RASSF1: variants seen among roughly 807,000 people sequenced by gnomAD.
RASSF1 encodes the protein Ras association domain family member 1, also known as ras association domain-containing protein 1.
RASSF1 carries 33 observed loss-of-function variants against 34.3 expected under a neutral mutation model. The ratio of observed to expected loss-of-function variants is 0.96; its 90% CI spans 0.73 to 1.29. The LOEUF is 1.29. Ranked by LOEUF, RASSF1 falls within the 50% of genes most tolerant of loss-of-function variation. RASSF1 has a pLI of 0.00. For missense variants in RASSF1, 445 were observed against 471.8 expected (o/e 0.94, Z 0.53); for synonymous variants, 191 against 195.0 (o/e 0.98, Z 0.17).
In RASSF1 at chr3:50,335,313, CTTTTTT is replaced by C. The variant is rs906428880; in HGVS notation, c.357+2586_357+2591del. On this transcript the variant is annotated intron_variant, in intron 2 of 5. Coordinates refer to ENST00000359365, the MANE Select transcript of RASSF1 (RefSeq NM_007182.5). The stretch of plus-strand genomic sequence containing the variant: ...GGGACTTCTCAGCCTCCTATTCTTT[CTTTTTT>C]TTTTTTTTTTTTTTTGAGACAGAGT... Among the ~76,000 whole-genome samples the C allele has an allele frequency of 1.3e-3, 142 of 107,966 alleles. 3 individuals carry two copies. Among genetic ancestry groups the C allele is most frequent in the Non-Finnish European group, 2.9e-4 (16 of 54,852 alleles). 70.8% of individuals were successfully genotyped at this position (107,966 alleles called of 152,430 possible).
At chr3:50,337,360 C>T in intron 2 of RASSF1, 1 of 1,603,096 alleles carries the variant, frequency 6.2e-7, no homozygotes, top group South Asian at 1.1e-5. Context: ...CGTCCGTAGC[C>T]GCCAACCACC....
intron 2 of RASSF1, among the ~76,000 whole-genome samples, chr3:50,335,225 G>GGT (rs1703085911): frequency 6.6e-6 from 1 of 151,850 alleles, no homozygotes; most frequent in South Asian, 2.1e-4. Context: ...TGGGATTAAA[G>GGT]GTGTGAGCCA....
chr3:50,337,020 T>TTCCGCGGGCAGG, intron 2 of RASSF1: 1 of 1,096,926 alleles, frequency 9.1e-7, no homozygotes, highest in Non-Finnish European at 1.2e-6. Flanking sequence ...TTACGCACGG[T>TTCCGCGGGCAGG]TCCGCGGGCA....
chr3:50,337,112 G>A, intron 2 of RASSF1: 1 of 1,503,828 alleles, frequency 6.6e-7, no homozygotes, highest in Non-Finnish European at 8.9e-7. Flanking sequence ...CAACGGACCG[G>A]GGAGGGCGGA....
At chr3:50,337,025 CG>C in intron 2 of RASSF1, 1 of 1,131,428 alleles carries the variant, frequency 8.8e-7, no homozygotes. Flanking sequence ...CACGGTTCCG[CG>C]GGCAGGTCCC....
At chr3:50,340,509 C>T (rs1166892144) in intron 1 of RASSF1, 47 bp downstream of exon 1, 1 of 1,415,462 alleles carries the variant, frequency 7.1e-7, no homozygotes, top group Non-Finnish European at 9.2e-7. Flanking sequence ...TGCGCTGCCC[C>T]TTGGCTGCCC....
chr3:50,340,659 G>GCCAGGGA lies in RASSF1; in HGVS notation c.140_146dup (p.Arg50ProfsTer82). The GCCAGGGA allele has an allele frequency of 6.5e-7, 1 of 1,531,102 alleles. No homozygotes were observed. Among genetic ancestry groups the GCCAGGGA allele is most frequent in the East Asian group, 2.6e-5 (1 of 37,894 alleles). The allele number at this position is 1,531,102 out of a possible 1,614,324, so 94.8% of individuals were successfully genotyped here. On this transcript the variant is annotated frameshift_variant, in exon 1 of 6. Coordinates refer to ENST00000359365, the MANE Select transcript of RASSF1 (RefSeq NM_007182.5). LOFTEE classifies it high-confidence loss of function. ...CCGCGGGCTGGAAGCGGTGGCCACG[G>GCCAGGGA]CCAGGGACCAGCTGCCGTGTGGGGT...
In RASSF1 at chr3:50,331,623, C is replaced by G. The variant is rs1464376506; in HGVS notation, c.696G>C (p.Lys232Asn). 3 of 1,605,670 alleles carry G rather than the reference C, an allele frequency of 1.9e-6. No individual in the cohort carries two copies. The highest frequency in any genetic ancestry group is 2.6e-6 in the Non-Finnish European group (3 of 1,172,954). The change falls in exon 4 of 6, where the codon AAG becomes AAC. Residue 232 changes from lysine to asparagine, a missense_variant. Lys to Asn is a moderately conservative substitution (Grantham distance 94). Transcript: ENST00000359365. The stretch of plus-strand genomic sequence containing the variant: ...TGCGGGGGTCATCCACCACCAAGAA[C>G]TTTCGCAGCAGGGCCTCAATGACTT... ...AREVIEALLR[K>N]FLVVDDPRKF...
intron 4 of RASSF1, 28 bp from the exon 5 acceptor site, chr3:50,331,477 CAG>C (rs1161552199): frequency 6.4e-7 from 1 of 1,573,262 alleles, no homozygotes; most frequent in Admixed American, 1.8e-5. Context: ...TGATCAGAGA[CAG>C]GGCCAGCTGC....
intron 2 of RASSF1, among the ~76,000 whole-genome samples, chr3:50,334,454 G>A (rs1404632136): frequency 6.6e-6 from 1 of 152,194 alleles, no homozygotes; most frequent in Non-Finnish European, 1.5e-5. Context: ...TAAAGCAGTG[G>A]ATGTGTTTGT....
chr3:50,337,341 A>C, intron 2 of RASSF1: 1 of 1,607,668 alleles, frequency 6.2e-7, no homozygotes. Flanking sequence ...CCCGTCCCCC[A>C]GTCCTGCGCG....
chr3:50,338,076 G>A, intron 1 of RASSF1, 65 bp from the exon 2 acceptor site: 1 of 1,535,728 alleles, frequency 6.5e-7, no homozygotes, highest in Non-Finnish European at 8.8e-7. Flanking sequence ...GGAGATTGAA[G>A]GGAAGCCCCA....
At chr3:50,335,313 C>CTTTTTTTTTTTTTTTTTTTTTTTTTTTT (rs906428880) in intron 2 of RASSF1, among the ~76,000 whole-genome samples, 1 of 107,974 alleles carries the variant, frequency 9.3e-6, no homozygotes. Flanking sequence ...CCTATTCTTT[C>CTTTTTTTTTTTTTTTTTTTTTTTTTTTT]TTTTTTTTTT....
At chr3:50,331,075 G>A (rs1575539086) in intron 5 of RASSF1, among the ~76,000 whole-genome samples, 1 of 152,172 alleles carries the variant, frequency 6.6e-6, no homozygotes, top group East Asian at 1.9e-4. Flanking sequence ...GTCATTAGAT[G>A]GACTCCTGCA....
chr3:50,340,141 G>A (rs1703309015), intron 1 of RASSF1, among the ~76,000 whole-genome samples: 1 of 152,094 alleles, frequency 6.6e-6, no homozygotes, highest in South Asian at 2.1e-4. Flanking sequence ...GCCCACCAAA[G>A]GTTCTAAATT....
At position 50,337,233 on chromosome 3, in the gene RASSF1, C is replaced by T. The variant is rs748576361; in HGVS notation, c.357+672G>A. 2.5e-6 allele frequency: 4 copies of T among 1,612,988 alleles called. No individual in the cohort carries two copies. In the South Asian group the frequency reaches 4.4e-5, roughly 18 times the overall value. On this transcript the variant is annotated intron_variant, in intron 2 of 5. Coordinates refer to ENST00000359365, the MANE Select transcript of RASSF1 (RefSeq NM_007182.5). ...GCGCGGTGAAGTACTGCTCGAGCTC[C>T]GAGTCCGAGTCCTCTTGGCTGCAGT...
chr3:50,340,000 T>C (rs587746109), intron 1 of RASSF1, among the ~76,000 whole-genome samples: 1 of 152,308 alleles, frequency 6.6e-6, no homozygotes, highest in East Asian at 1.9e-4. Flanking sequence ...AACCTTTGCT[T>C]GCTGGCGATT....
intron 4 of RASSF1, 41 bp from the exon 5 acceptor site, chr3:50,331,490 T>C: frequency 1.3e-6 from 2 of 1,525,992 alleles, no homozygotes; most frequent in East Asian, 2.5e-5. Flanking sequence ...GGCCAGCTGC[T>C]CAGCCCCTGC....
rs1013125746 is a variant in RASSF1, at chr3:50,331,772, G to A, written c.547C>T (p.Pro183Ser). 2 of 1,607,476 alleles carry A rather than the reference G, an allele frequency of 1.2e-6. No homozygotes were observed. Among genetic ancestry groups the A allele is most frequent in the Non-Finnish European group, 1.7e-6 (2 of 1,174,764 alleles). The change falls in exon 4 of 6, where the codon CCC becomes TCC. Residue 183 changes from proline to serine, a missense_variant. Coordinates refer to ENST00000359365, the MANE Select transcript of RASSF1 (RefSeq NM_007182.5). ...PVSVPSSKKP[P>S]SLQDARRGPG... ...CCCCGCCGGGCATCCTGCAAGGAGGGTGGCTTCTTGCTGGAGGGCACAGAG... is the reference window on the plus strand; with the variant it reads ...CCCCGCCGGGCATCCTGCAAGGAGGATGGCTTCTTGCTGGAGGGCACAGAG...
Sources: allele counts gnomAD v4.1 joint callset (sites outside exome capture counted in the v4.1 genomes callset), GRCh38; gene constraint gnomAD v4.1.1; transcripts MANE v1.5; gene names NCBI Gene and HGNC (gene_info 2026-07-23, HGNC 2026-07-21).